The following LDLRAD3 variants were observed in gnomAD, a reference collection of about 807,000 sequenced individuals.
The protein encoded by LDLRAD3 is low-density lipoprotein receptor class A domain-containing protein 3.
In LDLRAD3, 20 loss-of-function variants were observed where a neutral mutation model predicts 29.4. That is an observed-to-expected ratio of 0.68 (90% CI 0.48 to 0.99). The LOEUF (loss-of-function observed/expected upper bound fraction) is 0.99, where lower values mean the gene tolerates loss of function less well. LDLRAD3 is among the 50% of genes least tolerant of loss of function. The pLI is 0.00. For synonymous variants in LDLRAD3, 157 were observed against 192.7 expected (o/e 0.81, Z 1.53); for missense variants, 420 against 454.3 (o/e 0.92, Z 0.69).
intron 1 of LDLRAD3, among the ~76,000 whole-genome samples, chr11:35,970,213 G>A (rs1245180074): frequency 6.6e-6 from 1 of 152,206 alleles, no homozygotes; most frequent in Non-Finnish European, 1.5e-5. Flanking sequence ...CCTGGTACTT[G>A]TGAATGCAAA....
At chr11:36,045,580 G>A (rs1055117647) in intron 2 of LDLRAD3, among the ~76,000 whole-genome samples, 4 of 152,084 alleles carry the variant, frequency 2.6e-5, no homozygotes, top group Admixed American at 6.5e-5. Context: ...TTGGCTCTGT[G>A]TCCCCACCCA....
chr11:36,169,560 G>A (rs1854565459), intron 4 of LDLRAD3, among the ~76,000 whole-genome samples: 1 of 152,090 alleles, frequency 6.6e-6, no homozygotes, highest in Admixed American at 6.5e-5. Flanking sequence ...GTGTTTCTGT[G>A]CCTGGCTTAT....
intron 1 of LDLRAD3, among the ~76,000 whole-genome samples, chr11:35,995,212 A>C (rs898806016): frequency 6.6e-6 from 1 of 152,250 alleles, no homozygotes; most frequent in Non-Finnish European, 1.5e-5. Context: ...AAGACTTGAA[A>C]GTTGGAATGA....
At chr11:36,107,263 C>T (rs1235270581) in intron 4 of LDLRAD3, among the ~76,000 whole-genome samples, 7 of 151,600 alleles carry the variant, frequency 4.6e-5, no homozygotes, top group South Asian at 2.1e-4. Flanking sequence ...TGCAATGGCG[C>T]GATCTTGGCT....
At chr11:36,224,793 A>G (rs958365860) in intron 4 of LDLRAD3, among the ~76,000 whole-genome samples, 1 of 152,202 alleles carries the variant, frequency 6.6e-6, no homozygotes, top group Non-Finnish European at 1.5e-5. Flanking sequence ...TTTATATCAG[A>G]AAAGAAGAGA....
intron 2 of LDLRAD3, among the ~76,000 whole-genome samples, chr11:36,059,155 G>A (rs866849090): frequency 1.3e-5 from 2 of 152,136 alleles, no homozygotes; most frequent in African/African-American, 4.8e-5. Context: ...CACTTGAGCC[G>A]AGGAATTCAA....
At position 36,116,828 on chromosome 11, in the gene LDLRAD3, T is replaced by C. The variant is rs377670992; in HGVS notation, c.454+18367T>C. Among the ~76,000 whole-genome samples the C allele has an allele frequency of 3.3e-4, 48 of 145,448 alleles. No homozygotes were observed. The South Asian group carries it at 0.01, about 31-fold the overall frequency. Reference sequence around the variant, plus strand: ...TGCCTTGTCATTGCCTGAGTAACCTTTCTTTTTCTTTTTTTCTTTTTTTTT... The same window carrying C: ...TGCCTTGTCATTGCCTGAGTAACCTCTCTTTTTCTTTTTTTCTTTTTTTTT... On this transcript the variant is annotated intron_variant, in intron 4 of 5. Transcript: ENST00000315571.
intron 4 of LDLRAD3, among the ~76,000 whole-genome samples, chr11:36,172,209 A>G (rs992451267): frequency 3.3e-5 from 5 of 152,182 alleles, no homozygotes; most frequent in African/African-American, 1.2e-4. Context: ...TATTTGTCAG[A>G]TCTAGGAGAC....
intron 2 of LDLRAD3, among the ~76,000 whole-genome samples, chr11:36,045,997 T>A (rs182961766): frequency 9.2e-5 from 14 of 152,068 alleles, no homozygotes; most frequent in African/African-American, 3.1e-4. Context: ...CAGTGTGTGA[T>A]GTTCCCCTCC....
At chr11:36,098,600 C>T (rs559085301) in intron 4 of LDLRAD3, 139 bp downstream of exon 4, 1 of 940,206 alleles carries the variant, frequency 1.1e-6, no homozygotes, top group South Asian at 1.7e-5. Context: ...CCTTGCAGCC[C>T]TTGTACAGGT....
intron 4 of LDLRAD3, among the ~76,000 whole-genome samples, chr11:36,160,151 T>C (rs1383793819): frequency 1.3e-5 from 2 of 152,196 alleles, no homozygotes; most frequent in Non-Finnish European, 2.9e-5. Context: ...AGAATAAACC[T>C]GAATCTGTGT....
At chr11:36,124,137 A>G (rs1853801523) in intron 4 of LDLRAD3, among the ~76,000 whole-genome samples, 1 of 152,194 alleles carries the variant, frequency 6.6e-6, no homozygotes, top group African/African-American at 2.4e-5. Flanking sequence ...CTTCAGCTCT[A>G]TTTGTGTTTA....
chr11:36,162,386 T>C (rs1436516026), intron 4 of LDLRAD3, among the ~76,000 whole-genome samples: 3 of 152,344 alleles, frequency 2.0e-5, no homozygotes, highest in East Asian at 3.9e-4. Flanking sequence ...ATGGTTTCTG[T>C]CACTGTGCAC....
chr11:36,092,227 C>T (rs1436594421), intron 3 of LDLRAD3, among the ~76,000 whole-genome samples: 1 of 152,164 alleles, frequency 6.6e-6, no homozygotes, highest in Non-Finnish European at 1.5e-5. Context: ...CCTTTGGCTC[C>T]TTTTTAGAAC....
At chr11:36,137,842 A>G (rs1416959105) in intron 4 of LDLRAD3, among the ~76,000 whole-genome samples, 5 of 152,232 alleles carry the variant, frequency 3.3e-5, no homozygotes, top group African/African-American at 1.2e-4. Flanking sequence ...TGAGCAGAGG[A>G]ATGGGTAACC....
chr11:36,067,784 C>T (rs1477335892), intron 2 of LDLRAD3, among the ~76,000 whole-genome samples: 1 of 152,206 alleles, frequency 6.6e-6, no homozygotes, highest in African/African-American at 2.4e-5. Flanking sequence ...GATCCTCCCA[C>T]CCCAGCCTCC....
chr11:36,162,100 A>G (rs1353231442), intron 4 of LDLRAD3, among the ~76,000 whole-genome samples: 1 of 152,224 alleles, frequency 6.6e-6, no homozygotes, highest in Non-Finnish European at 1.5e-5. Flanking sequence ...AAATTGGTGT[A>G]TAAGCTGTAT....
chr11:35,991,855 TTGAA>T (rs1269915453), intron 1 of LDLRAD3, among the ~76,000 whole-genome samples: 2 of 132,704 alleles, frequency 1.5e-5, no homozygotes, highest in Non-Finnish European at 3.1e-5. Flanking sequence ...AGTTCATAAA[TTGAA>T]TGGTTGTTTG....
intron 4 of LDLRAD3, among the ~76,000 whole-genome samples, chr11:36,157,571 T>A (rs971397892): frequency 2.0e-5 from 3 of 152,202 alleles, no homozygotes; most frequent in Admixed American, 2.0e-4. Flanking sequence ...AAACTGCCCA[T>A]GAGTTAAACT....
Sources: allele counts gnomAD v4.1 joint callset (sites outside exome capture counted in the v4.1 genomes callset), GRCh38; gene constraint gnomAD v4.1.1; transcripts MANE v1.5; gene names NCBI Gene and HGNC (gene_info 2026-07-23, HGNC 2026-07-21).